SGCZ: variants seen among roughly 807,000 people sequenced by gnomAD.
SGCZ encodes the protein sarcoglycan zeta, also known as zeta-sarcoglycan.
In SGCZ, 40 loss-of-function variants were observed where a neutral mutation model predicts 41.3. The ratio of observed to expected loss-of-function variants is 0.97; its 90% CI spans 0.75 to 1.26. The LOEUF is 1.26. SGCZ is among the 50% of genes most tolerant of loss of function. The pLI, the probability that SGCZ is intolerant of heterozygous loss-of-function variation, is 0.00. For synonymous variants in SGCZ, 206 were observed against 137.5 expected (o/e 1.50, Z -3.49); for missense variants, 552 against 369.8 (o/e 1.49, Z -4.04).
intron 1 of SGCZ, among the ~76,000 whole-genome samples, chr8:14,602,497 C>A (rs1449819492): frequency 1.3e-5 from 2 of 151,904 alleles, no homozygotes; most frequent in African/African-American, 4.8e-5. Flanking sequence ...CCAGCCTGGG[C>A]AACATAGTGA....
In SGCZ at chr8:14,088,531, A is replaced by T. The variant is rs1460634233; in HGVS notation, c.*1912T>A. Among the ~76,000 whole-genome samples, 1 of 151,822 alleles carries T rather than the reference A, an allele frequency of 6.6e-6. No individual in the cohort carries two copies. The highest frequency in any genetic ancestry group is 1.5e-5 in the Non-Finnish European group (1 of 67,846). ...TTTATTTTGCAAAGACCAATGTGAG[A>T]TTTCTTATATTAAATTCTCTTATTT... is the stretch of plus-strand genomic sequence containing the variant. On this transcript the variant is annotated 3_prime_UTR_variant, in exon 8 of 8. Coordinates refer to ENST00000382080, the MANE Select transcript of SGCZ (RefSeq NM_139167.4).
chr8:14,853,730 C>T (rs1803434280), intron 1 of SGCZ, among the ~76,000 whole-genome samples: 1 of 151,950 alleles, frequency 6.6e-6, no homozygotes, highest in Admixed American at 6.6e-5. Context: ...ATTTTCTTTC[C>T]TAGTGAAACG....
intron 1 of SGCZ, among the ~76,000 whole-genome samples, chr8:15,067,052 C>G (rs949590371): frequency 6.6e-6 from 1 of 152,130 alleles, no homozygotes; most frequent in Non-Finnish European, 1.5e-5. Context: ...CGCGGTCATA[C>G]ACATCACAAT....
intron 1 of SGCZ, among the ~76,000 whole-genome samples, chr8:14,625,249 T>C (rs908786914): frequency 6.6e-6 from 1 of 152,178 alleles, no homozygotes; most frequent in Non-Finnish European, 1.5e-5. Flanking sequence ...CTTCATTAAA[T>C]TGCATATTTT....
chr8:14,632,976 TA>T (rs1806708865), intron 1 of SGCZ, among the ~76,000 whole-genome samples: 1 of 147,846 alleles, frequency 6.8e-6, no homozygotes, highest in Non-Finnish European at 1.5e-5. Flanking sequence ...ATAAGTGAAT[TA>T]TATATATATA....
At chr8:15,097,507 G>A (rs60266119) in intron 1 of SGCZ, among the ~76,000 whole-genome samples, 3,699 of 151,858 alleles carry the variant, frequency 0.024, 141 homozygotes, top group African/African-American at 0.084. Flanking sequence ...CTAGCACTTT[G>A]GGAGGCCAAG....
chr8:15,156,578 A>C (rs1207914001), intron 1 of SGCZ, among the ~76,000 whole-genome samples: 1 of 152,230 alleles, frequency 6.6e-6, no homozygotes, highest in Admixed American at 6.5e-5. Context: ...CATTCTTCTG[A>C]AAACGTCCAT....
intron 2 of SGCZ, among the ~76,000 whole-genome samples, chr8:14,372,363 T>C (rs2117164899): frequency 6.6e-6 from 1 of 152,348 alleles, no homozygotes; most frequent in African/African-American, 2.4e-5. Flanking sequence ...TCATTCATTC[T>C]TTTGTTGAAC....
At chr8:14,201,282 T>C (rs775520830) in intron 4 of SGCZ, among the ~76,000 whole-genome samples, 11 of 152,142 alleles carry the variant, frequency 7.2e-5, no homozygotes, top group Non-Finnish European at 1.3e-4. Flanking sequence ...ATTTATGTCA[T>C]CAAATGAAAA....
chr8:15,069,421 T>G (rs1805272044), intron 1 of SGCZ, among the ~76,000 whole-genome samples: 1 of 152,218 alleles, frequency 6.6e-6, no homozygotes, highest in East Asian at 1.9e-4. Flanking sequence ...AAAAAATGCA[T>G]GTAAGGGTTG....
At chr8:15,002,911 G>T (rs1014720219) in intron 1 of SGCZ, among the ~76,000 whole-genome samples, 24 of 152,040 alleles carry the variant, frequency 1.6e-4, no homozygotes, top group African/African-American at 5.8e-4. Flanking sequence ...ATGGGGTTGG[G>T]TCTTTCTTGT....
At chr8:15,145,225 C>T (rs890297780) in intron 1 of SGCZ, among the ~76,000 whole-genome samples, 23 of 152,108 alleles carry the variant, frequency 1.5e-4, no homozygotes, top group African/African-American at 5.6e-4. Context: ...CTCTTTTGTA[C>T]CTATAGCTGA....
chr8:15,063,608 C>A (rs1307314819), intron 1 of SGCZ, among the ~76,000 whole-genome samples: 1 of 152,090 alleles, frequency 6.6e-6, no homozygotes, highest in Non-Finnish European at 1.5e-5. Context: ...TTTGCCACAG[C>A]TATACTGTCT....
intron 2 of SGCZ, among the ~76,000 whole-genome samples, chr8:14,521,521 G>A (rs1178577488): frequency 6.6e-6 from 1 of 152,040 alleles, no homozygotes; most frequent in Non-Finnish European, 1.5e-5. Flanking sequence ...ATTCCACAGT[G>A]CCAATGTACC....
chr8:14,229,313 G>C (rs1806480535), intron 4 of SGCZ, among the ~76,000 whole-genome samples: 1 of 152,002 alleles, frequency 6.6e-6, no homozygotes, highest in African/African-American at 2.4e-5. Flanking sequence ...TTCAAAACAT[G>C]ATCACTAGTG....
intron 1 of SGCZ, among the ~76,000 whole-genome samples, chr8:14,733,872 G>A (rs574806328): frequency 6.6e-5 from 10 of 152,238 alleles, no homozygotes; most frequent in East Asian, 3.9e-4. Context: ...TTTGTTAATC[G>A]TATACCCATG....
chr8:15,078,092 G>A (rs1445191120), intron 1 of SGCZ, among the ~76,000 whole-genome samples: 1 of 148,240 alleles, frequency 6.7e-6, no homozygotes, highest in Non-Finnish European at 1.5e-5. Context: ...TCTCTGGGTT[G>A]TGTGTGGTGG....
chr8:14,368,864 G>A (rs898768667), intron 2 of SGCZ, among the ~76,000 whole-genome samples: 1 of 151,696 alleles, frequency 6.6e-6, no homozygotes, highest in African/African-American at 2.4e-5. Flanking sequence ...TGTTGCAAGA[G>A]GGGAAATCAA....
chr8:14,490,993 T>G (rs1801825723), intron 2 of SGCZ, among the ~76,000 whole-genome samples: 1 of 152,188 alleles, frequency 6.6e-6, no homozygotes, highest in African/African-American at 2.4e-5. Context: ...ACCTTGAAAA[T>G]TATTCCTGTC....
Sources: gnomAD v4.1 joint callset for allele counts (sites outside exome capture counted in the v4.1 genomes callset) on GRCh38, gnomAD v4.1.1 for gene constraint, MANE v1.5 for transcripts, NCBI Gene and HGNC (gene_info 2026-07-23, HGNC 2026-07-21) for gene names.